Variants in HNRNPUL1 observed in about 807,000 individuals in gnomAD.
HNRNPUL1 encodes the protein heterogeneous nuclear ribonucleoprotein U like 1.
Under a neutral mutation model 108.5 loss-of-function variants are expected in HNRNPUL1, and 14 were observed. The observed-to-expected ratio is 0.13, with a 90% CI of 0.09 to 0.20. The LOEUF (loss-of-function observed/expected upper bound fraction) is 0.20. Ranked by LOEUF, HNRNPUL1 falls within the 10% of genes least tolerant of loss-of-function variation. HNRNPUL1 has a pLI of 1.00. For missense variants in HNRNPUL1, 804 were observed against 1,168.3 expected (o/e 0.69, Z 4.55); for synonymous variants, 422 against 445.2 (o/e 0.95, Z 0.66).
At chr19:41,277,668 G>A (rs186889623) in intron 5 of HNRNPUL1, among the ~76,000 whole-genome samples, 2 of 152,124 alleles carry the variant, frequency 1.3e-5, no homozygotes, top group East Asian at 3.9e-4. Flanking sequence ...CACCCTGCCC[G>A]GCTAATTTTT....
In HNRNPUL1 at chr19:41,294,579, C is replaced by T. The variant is rs761109957; in HGVS notation, c.1411C>T (p.Arg471Trp). The T allele has an allele frequency of 3.1e-6, 5 of 1,614,062 alleles. No individual in the cohort carries two copies. Among genetic ancestry groups the T allele is most frequent in the East Asian group, 2.2e-5 (1 of 44,892 alleles). Residue 471 changes from arginine to tryptophan, a missense_variant, in exon 10 of 15, where the codon CGG becomes TGG. Arg to Trp is a moderately radical substitution (Grantham distance 101). Coordinates refer to ENST00000392006, the MANE Select transcript of HNRNPUL1 (RefSeq NM_007040.6). The surrounding 1 kb of genome is among the most constrained non-coding windows in gnomAD (Gnocchi z 4.3). ...KMRVMGLRRQ[R>W]NYAGRWDVLI... ...GCAGGTGATGGGCCTACGCCGGCAG[C>T]GGAACTATGCTGGCCGCTGGGATGT...
chr19:41,265,310 C>G, intron 1 of HNRNPUL1: 1 of 1,362,500 alleles, frequency 7.3e-7, no homozygotes, highest in Admixed American at 2.3e-5. Context: ...TGGAATATGC[C>G]GCTGGATGCG....
chr19:41,299,450 A>G (rs904398690), intron 10 of HNRNPUL1, among the ~76,000 whole-genome samples: 10 of 151,738 alleles, frequency 6.6e-5, no homozygotes, highest in Non-Finnish European at 1.3e-4. Flanking sequence ...ATCTCTTGAA[A>G]CCTTGTTTTT....
intron 2 of HNRNPUL1, among the ~76,000 whole-genome samples, chr19:41,269,480 G>GAA (rs35932282): frequency 1.1e-3 from 55 of 48,044 alleles, no homozygotes; most frequent in Admixed American, 1.3e-3. Context: ...ACCCTGTCAC[G>GAA]AAAAAAAAAA....
In HNRNPUL1 at chr19:41,292,908, G is replaced by A. The variant is rs185191584; in HGVS notation, c.1266+397G>A. Among the ~76,000 whole-genome samples, 3 of 152,024 alleles carry A rather than the reference G, an allele frequency of 2.0e-5. No homozygotes were observed. The highest frequency in any genetic ancestry group is 1.3e-4 in the Admixed American group (2 of 15,268). Reference sequence around the variant, plus strand: ...CACCCAGGCTGGAGTGCAGTGGTGCGATCACGGCTTACTGCAGCCTTGACC... The same window carrying A: ...CACCCAGGCTGGAGTGCAGTGGTGCAATCACGGCTTACTGCAGCCTTGACC... On this transcript the variant is annotated intron_variant, in intron 8 of 14. Transcript: ENST00000392006. This position sits in a 1 kb window ranked among gnomAD's most constrained non-coding sequence, Gnocchi z 4.1.
intron 1 of HNRNPUL1, chr19:41,265,333 C>T (rs1767197640): frequency 2.7e-6 from 4 of 1,480,956 alleles, no homozygotes; most frequent in African/African-American, 1.5e-5. Flanking sequence ...CCTGGGCGTT[C>T]TCCTATTTGG....
At chr19:41,263,247 G>A (rs2034608735), upstream of HNRNPUL1, among the ~76,000 whole-genome samples, 2 of 152,074 alleles carry the variant, frequency 1.3e-5, no homozygotes, top group African/African-American at 4.8e-5. Flanking sequence ...TTTGTTTTGA[G>A]TTAGAGGCGA....
chr19:41,265,175 G>A (rs1411612461), intron 1 of HNRNPUL1: 13 of 1,462,888 alleles, frequency 8.9e-6, no homozygotes, highest in African/African-American at 2.9e-5. Context: ...AGGGTACGGA[G>A]CTCCGTGGGC....
At chr19:41,288,380 G>A (rs1038511197) in intron 7 of HNRNPUL1, among the ~76,000 whole-genome samples, 1 of 151,982 alleles carries the variant, frequency 6.6e-6, no homozygotes, top group Admixed American at 6.6e-5. Context: ...CAAGTGCTGG[G>A]ATTACAGGCA....
intron 1 of HNRNPUL1, among the ~76,000 whole-genome samples, chr19:41,266,028 G>A (rs557735709): frequency 2.1e-4 from 32 of 152,228 alleles, no homozygotes; most frequent in African/African-American, 7.5e-4. Flanking sequence ...GAGCAGCACG[G>A]AACTCTTCAT....
intron 7 of HNRNPUL1, among the ~76,000 whole-genome samples, chr19:41,282,426 C>T (rs1411824457): frequency 6.6e-6 from 1 of 152,212 alleles, no homozygotes; most frequent in Non-Finnish European, 1.5e-5. Flanking sequence ...AGATGATCTG[C>T]TCGCCTCGGC....
At chr19:41,297,431 A>G (rs2036956488) in intron 10 of HNRNPUL1, among the ~76,000 whole-genome samples, 1 of 152,178 alleles carries the variant, frequency 6.6e-6, no homozygotes. Flanking sequence ...CCTGGCTAGT[A>G]AAAGGCTGCA....
intron 1 of HNRNPUL1, chr19:41,265,037 G>A (rs916224134): frequency 1.2e-4 from 163 of 1,394,134 alleles, no homozygotes; most frequent in Non-Finnish European, 1.2e-4. Context: ...GGTGAGGGAC[G>A]GGGGTGGCGG....
At chr19:41,269,479 C>CA (rs2035074854) in intron 2 of HNRNPUL1, among the ~76,000 whole-genome samples, 1 of 57,752 alleles carries the variant, frequency 1.7e-5, no homozygotes, top group Middle Eastern at 0.017. Flanking sequence ...GACCCTGTCA[C>CA]GAAAAAAAAA....
At chr19:41,283,341 C>T (rs1254497862) in intron 7 of HNRNPUL1, among the ~76,000 whole-genome samples, 2 of 152,142 alleles carry the variant, frequency 1.3e-5, no homozygotes, top group East Asian at 1.9e-4. Flanking sequence ...AGTCTCGTGG[C>T]GCGATCTCAA....
chr19:41,279,066 T>C lies in HNRNPUL1; in HGVS notation c.787-11T>C, dbSNP rs1352629038. The C allele has an allele frequency of 4.3e-6, 7 of 1,609,230 alleles. No homozygotes were observed. Among genetic ancestry groups the C allele is most frequent in the Non-Finnish European group, 6.0e-6 (7 of 1,175,744 alleles). ...GAAGCAACCCTGAGCCCTTTTGTCC[T>C]CTTTCCTCAGATCAATGAGGAAATC... On this transcript the variant is annotated splice_polypyrimidine_tract_variant and intron_variant, in intron 5 of 14. Coordinates refer to ENST00000392006, the MANE Select transcript of HNRNPUL1 (RefSeq NM_007040.6).
intron 11 of HNRNPUL1, 55 bp from the exon 12 acceptor site, chr19:41,302,610 C>A: frequency 6.2e-7 from 1 of 1,607,886 alleles, no homozygotes; most frequent in Non-Finnish European, 8.5e-7. Context: ...GACCAGACTT[C>A]AGAAGGTACT....
intron 1 of HNRNPUL1, 45 bp downstream of exon 1, chr19:41,264,843 C>G (rs1165849811): frequency 3.7e-6 from 5 of 1,338,852 alleles, no homozygotes; most frequent in African/African-American, 1.5e-5. Flanking sequence ...GAGCCTGGGC[C>G]GAGGAAAGGG....
At chr19:41,284,134 G>A (rs2036068471) in intron 7 of HNRNPUL1, among the ~76,000 whole-genome samples, 1 of 152,100 alleles carries the variant, frequency 6.6e-6, no homozygotes, top group African/African-American at 2.4e-5. Context: ...GGATCCATAC[G>A]AAGTTCCACT....
Sources: gnomAD v4.1 joint callset for allele counts (sites outside exome capture counted in the v4.1 genomes callset) on GRCh38, gnomAD v4.1.1 for gene constraint, Gnocchi (gnomAD v3.1) non-coding constraint, MANE v1.5 for transcripts, NCBI Gene and HGNC (gene_info 2026-07-23, HGNC 2026-07-21) for gene names.